Variants in NBPF15 observed in about 807,000 individuals in gnomAD.
NBPF15 encodes NBPF member 15, also known as NBPF family member NBPF15.
In NBPF15, 74 loss-of-function variants were observed where a neutral mutation model predicts 62.2. The ratio of observed to expected loss-of-function variants is 1.19; its 90% CI spans 0.99 to 1.44. The LOEUF is 1.44. Ranked by LOEUF, NBPF15 falls within the 40% of genes most tolerant of loss-of-function variation. The pLI is 0.00. For synonymous variants in NBPF15, 244 were observed against 209.7 expected, an observed-to-expected ratio of 1.16 and a Z score of -1.41; for missense variants, 790 against 550.0, an observed-to-expected ratio of 1.44 and a Z score of -4.36.
At chr1:144,436,389 T>A (rs1306343139) in intron 10 of NBPF15, among the ~76,000 whole-genome samples, 4 of 151,798 alleles carry the variant, frequency 2.6e-5, no homozygotes, top group Admixed American at 2.6e-4. Context: ...TTCTCCAACA[T>A]CACACGGTGA....
chr1:144,423,813 A>G, intron 21 of NBPF15, 57 bp downstream of exon 21: 2 of 747,660 alleles, frequency 2.7e-6, no homozygotes, highest in Non-Finnish European at 2.4e-6. Flanking sequence ...GTTTCCCTGA[A>G]TCTGTTGCCT....
intron 4 of NBPF15, among the ~76,000 whole-genome samples, chr1:144,454,590 T>C: frequency 8.5e-6 from 1 of 117,522 alleles, no homozygotes; most frequent in Middle Eastern, 3.8e-3. Context: ...CATACCAAGG[T>C]TTTGGTGGCA....
At chr1:144,432,617 T>A (rs1171859590) in intron 13 of NBPF15, among the ~76,000 whole-genome samples, 3 of 151,654 alleles carry the variant, frequency 2.0e-5, no homozygotes, top group Non-Finnish European at 2.9e-5. Flanking sequence ...GAGGAAGATC[T>A]ACCAAGCAAA....
At chr1:144,434,629 G>T (rs1372266491) in intron 12 of NBPF15, among the ~76,000 whole-genome samples, 20 of 150,792 alleles carry the variant, frequency 1.3e-4, no homozygotes, top group Non-Finnish European at 2.4e-4. Context: ...AAGAAGAAAA[G>T]TTTCCGTCCT....
At position 144,428,400 on chromosome 1, in the gene NBPF15, CT is replaced by C. The variant is rs1317361023; in HGVS notation, c.1040+205del. Among the ~76,000 whole-genome samples the C allele has an allele frequency of 3.1e-3, 469 of 151,970 alleles. 6 individuals carry two copies. In the South Asian group the frequency reaches 0.041, roughly 13 times the overall value. On this transcript the variant is annotated intron_variant, in intron 15 of 21. Coordinates refer to ENST00000581897, the MANE Select transcript of NBPF15 (RefSeq NM_001385408.1). Reference sequence around the variant, plus strand: ...ATACAGCTTTTGAGGTATGGTCAACCTTCACTAGGTTAGTAAATGATAAGTG... The same window carrying C: ...ATACAGCTTTTGAGGTATGGTCAACCTCACTAGGTTAGTAAATGATAAGTG...
chr1:144,428,898 C>G (rs1264886756), intron 14 of NBPF15, among the ~76,000 whole-genome samples: 2 of 151,980 alleles, frequency 1.3e-5, no homozygotes, highest in African/African-American at 4.8e-5. Flanking sequence ...GTGCTCTGTC[C>G]TAGGTTTATG....
chr1:144,428,014 G>A, intron 15 of NBPF15, 24 bp from the exon 16 acceptor site: 1 of 758,814 alleles, frequency 1.3e-6, no homozygotes, highest in Non-Finnish European at 2.4e-6. Flanking sequence ...AAAAAGTAAA[G>A]AATAAGCCAG....
intron 12 of NBPF15, among the ~76,000 whole-genome samples, chr1:144,434,247 A>C (rs1205501701): frequency 3.4e-5 from 5 of 149,062 alleles, no homozygotes; most frequent in Admixed American, 6.6e-5. Flanking sequence ...CTTTAAAAAG[A>C]ATCTGTGATT....
intron 20 of NBPF15, among the ~76,000 whole-genome samples, 187 bp from the exon 21 acceptor site, chr1:144,424,162 C>A (rs1241628567): frequency 6.6e-6 from 1 of 152,076 alleles, no homozygotes; most frequent in Non-Finnish European, 1.5e-5. Context: ...CTCCCAGAAA[C>A]TGTGGGTAAA....
chr1:144,438,828 G>C (rs1159192786), intron 8 of NBPF15, among the ~76,000 whole-genome samples: 1 of 151,848 alleles, frequency 6.6e-6, no homozygotes, highest in Non-Finnish European at 1.5e-5. Flanking sequence ...CCAGTAGACA[G>C]GCCCACAGTC....
At chr1:144,455,714 C>T (rs11805750) in intron 4 of NBPF15, among the ~76,000 whole-genome samples, 2,288 of 152,066 alleles carry the variant, frequency 0.015, 59 homozygotes, top group African/African-American at 0.052. Flanking sequence ...TCCCCCAGGA[C>T]CTGGTGGACG....
At chr1:144,457,935 A>C (rs1649354895) in intron 3 of NBPF15, among the ~76,000 whole-genome samples, 1 of 151,862 alleles carries the variant, frequency 6.6e-6, no homozygotes, top group Admixed American at 6.6e-5. Flanking sequence ...AAAAAATAGA[A>C]AATTAGCCGG....
chr1:144,445,758 T>C (rs1553543881), intron 6 of NBPF15, among the ~76,000 whole-genome samples: 2 of 151,476 alleles, frequency 1.3e-5, no homozygotes, highest in African/African-American at 4.8e-5. Context: ...CATGACAAGG[T>C]TTATCTCCCC....
chr1:144,423,396 T>A (rs2101503483), intron 21 of NBPF15, 140 bp from the exon 22 acceptor site: 9 of 1,543,130 alleles, frequency 5.8e-6, no homozygotes, highest in African/African-American at 1.4e-5. Context: ...AAAAAAAATT[T>A]ATTGCCTTTA....
Position 144,435,183 on chromosome 1 carries a change from C to G in NBPF15, c.700G>C (p.Asp234His). ...CCAATGAGAGTTGAGTCGACTTTGT[C>G]TTCCTCAAATGTGATTTTGGTTTTC... Reference protein sequence around the residue: ...HKKTKITFEEDKVDSTLIGSS... With the variant: ...HKKTKITFEEHKVDSTLIGSS... The change falls in exon 12 of 22, where the codon GAC (aspartate) becomes CAC (histidine). Residue 234 changes from aspartate to histidine, a missense_variant. Asp to His is a moderately conservative substitution (Grantham distance 81, BLOSUM62 -1). Transcript: ENST00000581897. 1 of 1,613,066 alleles carries G rather than the reference C, an allele frequency of 6.2e-7. No homozygotes were observed.
rs1406452203 is a variant in NBPF15 at position 144,441,160 on chromosome 1, A to G, written c.-190-865T>C. Among the ~76,000 whole-genome samples the G allele has an allele frequency of 2.2e-4, 34 of 151,870 alleles. 1 individual carries two copies. The highest frequency in any genetic ancestry group is 3.9e-4 in the Admixed American group (6 of 15,248). On this transcript the variant is annotated intron_variant, in intron 6 of 21. Coordinates refer to ENST00000581897, the MANE Select transcript of NBPF15 (RefSeq NM_001385408.1). ...CATAAGTAACTATGAATATTCTCAT[A>G]CAATTATTTCTGTGAAGATACATAC...
chr1:144,424,032 C>A (rs1235558666), intron 20 of NBPF15, 57 bp from the exon 21 acceptor site: 17 of 760,558 alleles, frequency 2.2e-5, no homozygotes, highest in African/African-American at 5.1e-5. Flanking sequence ...ACACATATAA[C>A]AATCCACTGT....
intron 4 of NBPF15, among the ~76,000 whole-genome samples, chr1:144,453,463 A>C (rs1311845552): frequency 6.6e-6 from 1 of 151,002 alleles, no homozygotes; most frequent in African/African-American, 2.4e-5. Flanking sequence ...TCTACTAATG[A>C]AAAAAAAATT....
At chr1:144,456,393 A>G (rs1647836927) in intron 4 of NBPF15, 144 bp downstream of exon 4, 1 of 823,790 alleles carries the variant, frequency 1.2e-6, no homozygotes, top group Non-Finnish European at 1.5e-6. Flanking sequence ...TCATTCACCT[A>G]ACAAATATTA....
Sources: allele counts gnomAD v4.1 joint callset (sites outside exome capture counted in the v4.1 genomes callset), GRCh38; gene constraint gnomAD v4.1.1; transcripts MANE v1.5; gene names NCBI Gene and HGNC (gene_info 2026-07-23, HGNC 2026-07-21).